Variants in JAG1 observed in about 807,000 individuals in gnomAD.
The protein encoded by JAG1 is protein jagged-1.
A neutral mutation model predicts 148.7 loss-of-function variants in JAG1; 23 were observed. The observed-to-expected ratio is 0.15, with a 90% CI of 0.11 to 0.22. The LOEUF (loss-of-function observed/expected upper bound fraction) is 0.22. JAG1 is among the 10% of genes least tolerant of loss of function. The probability of loss-of-function intolerance (pLI) is 1.00; values close to 1 mark genes in which losing one functional copy is unlikely to be tolerated. For synonymous variants in JAG1, 572 were observed against 598.3 expected (o/e 0.96, Z 0.64); for missense variants, 1,054 against 1,611.2 (o/e 0.65, Z 5.92).
Position 10,639,569 on chromosome 20 carries a change from A to G in JAG1, c.3586T>C (p.Trp1196Arg). ...TCTCTGTTGTCCTGTTTGTTTGTCCAGTTTGGGTGTTTTGTCGGCGTGCCG... is the reference window on the plus strand; with the variant it reads ...TCTCTGTTGTCCTGTTTGTTTGTCCGGTTTGGGTGTTTTGTCGGCGTGCCG... Reference protein sequence around the residue: ...PNGTPTKHPNWTNKQDNRDLE... With the variant: ...PNGTPTKHPNRTNKQDNRDLE... The change falls in exon 26 of 26, where the codon TGG (tryptophan) becomes CGG (arginine). Residue 1196 changes from tryptophan to arginine, a missense_variant. This residue lies in a region of JAG1 where 177 missense variants were observed against 177.3 expected (regional missense o/e 1.00). Coordinates refer to ENST00000254958, the MANE Select transcript of JAG1 (RefSeq NM_000214.3). The G allele has an allele frequency of 6.2e-7, 1 of 1,614,130 alleles. No individual in the cohort carries two copies. The highest frequency in any genetic ancestry group is 2.2e-5 in the East Asian group (1 of 44,884).
chr20:10,659,308 T>A (rs1232901931), intron 3 of JAG1, among the ~76,000 whole-genome samples: 1 of 152,246 alleles, frequency 6.6e-6, no homozygotes, highest in Admixed American at 6.5e-5. Flanking sequence ...AAACCATTTA[T>A]ATTTGTTCCT....
At position 10,658,458 on chromosome 20, in the gene JAG1, A is replaced by G; in HGVS notation, c.694+10T>C. 6.2e-7 allele frequency: 1 copy of G among 1,613,690 alleles called. No individual in the cohort carries two copies. The highest frequency in any genetic ancestry group is 8.5e-7 in the Non-Finnish European group (1 of 1,180,038). On this transcript the variant is annotated intron_variant, in intron 4 of 25. Transcript: ENST00000254958. ...CAGGCACACGTGCACATGCACACAC[A>G]CACACATACCTCTGTTACATTCGGG...
chr20:10,663,033 C>CA lies in JAG1; in HGVS notation c.439+929dup, dbSNP rs3833513. Reference sequence around the variant, plus strand: ...GTGTGCATTCACCATTTTCTGTCAGCAAAAAAAAGCAAGGCAAGGAAAGAT... The same window carrying CA: ...GTGTGCATTCACCATTTTCTGTCAGCAAAAAAAAAGCAAGGCAAGGAAAGAT... On this transcript the variant is annotated intron_variant, in intron 3 of 25. Coordinates refer to ENST00000254958, the MANE Select transcript of JAG1 (RefSeq NM_000214.3). 2.1e-3 allele frequency among the ~76,000 whole-genome samples: 323 copies of CA among 151,246 alleles called. 2 individuals are homozygous for CA. The highest frequency in any genetic ancestry group is 3.3e-3 in the Non-Finnish European group (224 of 67,756).
intron 4 of JAG1, among the ~76,000 whole-genome samples, chr20:10,658,127 A>G (rs1600188784): frequency 6.6e-6 from 1 of 152,332 alleles, no homozygotes; most frequent in South Asian, 2.1e-4. Flanking sequence ...TTTAAGGCAA[A>G]GGAAGCTGGG....
At position 10,639,897 on chromosome 20, in the gene JAG1, C is replaced by T; in HGVS notation, c.3258G>A (p.Val1086=). Reference sequence around the variant, plus strand: ...TCCGCAGGCACCAGTAGAAGGCCGTCACCAAGCAACAGATCCAAGCCACAG... The same window carrying T: ...TCCGCAGGCACCAGTAGAAGGCCGTTACCAAGCAACAGATCCAAGCCACAG... ...VLTVAWICCL[V]TAFYWCLRKR... is the part of the protein sequence containing the mutation. The change falls in exon 26 of 26, where the codon GTG becomes GTA. Residue 1086 remains valine (V), a synonymous_variant. Transcript: ENST00000254958. 6.2e-7 allele frequency: 1 copy of T among 1,614,220 alleles called. No homozygotes were observed. Among genetic ancestry groups the T allele is most frequent in the Middle Eastern group, 1.6e-4 (1 of 6,062 alleles).
At chr20:10,647,514 A>T (rs2067317508) in intron 13 of JAG1, among the ~76,000 whole-genome samples, 1 of 152,260 alleles carries the variant, frequency 6.6e-6, no homozygotes, top group African/African-American at 2.4e-5. Context: ...CACCGGCCAC[A>T]TGTGGCTATT....
At chr20:10,651,417 G>C (rs1183827584) in intron 8 of JAG1, 164 bp downstream of exon 8, 2 of 604,532 alleles carry the variant, frequency 3.3e-6, no homozygotes, top group African/African-American at 3.7e-5. Context: ...GGTGCTGGGA[G>C]ACTTCCAAAC....
At chr20:10,651,535 G>T in intron 8 of JAG1, 46 bp downstream of exon 8, 1 of 1,319,676 alleles carries the variant, frequency 7.6e-7, no homozygotes, top group Non-Finnish European at 1.1e-6. Flanking sequence ...GTGGTATCTT[G>T]GCACAAGGAT....
At chr20:10,669,677 T>C (rs1384033947) in intron 2 of JAG1, among the ~76,000 whole-genome samples, 1 of 151,100 alleles carries the variant, frequency 6.6e-6, no homozygotes, top group Admixed American at 6.6e-5. Context: ...CCCTAACGTT[T>C]CTCTAGATTC....
chr20:10,656,515 G>C, intron 4 of JAG1, 57 bp from the exon 5 acceptor site: 2 of 1,458,474 alleles, frequency 1.4e-6, no homozygotes, highest in South Asian at 2.3e-5. Flanking sequence ...CATCGCCCCG[G>C]TCATGAGAAT....
intron 2 of JAG1, among the ~76,000 whole-genome samples, chr20:10,666,062 G>A (rs1213230640): frequency 1.3e-5 from 2 of 152,056 alleles, no homozygotes; most frequent in Non-Finnish European, 1.5e-5. Flanking sequence ...ACAGGGTGAG[G>A]GCAGGGAGCT....
intron 19 of JAG1, 71 bp from the exon 20 acceptor site, chr20:10,643,934 T>C (rs2122600740): frequency 3.5e-6 from 4 of 1,136,812 alleles, no homozygotes; most frequent in Non-Finnish European, 4.0e-6. Context: ...CACTCACATG[T>C]CACCACACCA....
Position 10,638,878 on chromosome 20 carries a change from A to C in JAG1, c.*620T>G, listed in dbSNP as rs916400373. 9.1e-5 allele frequency: 14 copies of C among 153,862 alleles called. No individual in the cohort carries two copies. Among genetic ancestry groups the C allele is most frequent in the African/African-American group, 3.1e-4 (13 of 41,454 alleles). The allele number at this position is 153,862 out of a possible 1,614,324, so 9.5% of individuals were successfully genotyped here. On this transcript the variant is annotated 3_prime_UTR_variant, in exon 26 of 26. Coordinates refer to ENST00000254958, the MANE Select transcript of JAG1 (RefSeq NM_000214.3). ...TTAAGTTAATAAATCAAATATACAC[A>C]GTGATTAATAAAAAAGAATTATTTA...
At chr20:10,640,070 G>A in intron 25 of JAG1, 115 bp from the exon 26 acceptor site, 2 of 822,458 alleles carry the variant, frequency 2.4e-6, no homozygotes, top group Non-Finnish European at 2.0e-6. Context: ...TAAGAGGGGG[G>A]CCACAGGGAC....
intron 5 of JAG1, among the ~76,000 whole-genome samples, chr20:10,652,913 C>T (rs558045548): frequency 1.3e-4 from 20 of 152,078 alleles, no homozygotes; most frequent in South Asian, 1.0e-3. Flanking sequence ...TAAATCAACC[C>T]GTGCACCTAG....
In JAG1 at chr20:10,648,432, T is replaced by A. The variant is rs568406059; in HGVS notation, c.1569+117A>T. ...AGCAGAGACTCTCTCATCAATAGGA[T>A]GTTAATAGATGTTAGGAAATTCCAG... is the stretch of plus-strand genomic sequence containing the variant. On this transcript the variant is annotated intron_variant, in intron 12 of 25. Coordinates refer to ENST00000254958, the MANE Select transcript of JAG1 (RefSeq NM_000214.3). The A allele has an allele frequency of 1.7e-5, 15 of 862,882 alleles. No individual in the cohort carries two copies. The Admixed American group carries it at 2.3e-4, about 13-fold the overall frequency. 53.5% of individuals were successfully genotyped at this position (862,882 alleles called of 1,614,324 possible).
intron 5 of JAG1, among the ~76,000 whole-genome samples, chr20:10,654,083 G>C (rs1477303514): frequency 6.6e-6 from 1 of 152,210 alleles, no homozygotes; most frequent in Admixed American, 6.5e-5. Context: ...TGTCAAGGCT[G>C]ATATTCTTAG....
chr20:10,669,644 A>G (rs548251891), intron 2 of JAG1, among the ~76,000 whole-genome samples: 2 of 150,384 alleles, frequency 1.3e-5, no homozygotes, highest in South Asian at 4.2e-4. Flanking sequence ...TGAGGCTAAT[A>G]AGCCAGATAC....
rs750032058 is a variant in JAG1 at position 10,639,848 on chromosome 20, T to C, written c.3307A>G (p.Thr1103Ala). The C allele has an allele frequency of 4.3e-6, 7 of 1,614,062 alleles. No homozygotes were observed. Among genetic ancestry groups the C allele is most frequent in the East Asian group, 2.2e-5 (1 of 44,886 alleles). ...LRKRRKPGSH[T>A]HSASEDNTTN... ...GTGTTGTCCTCAGAGGCTGAGTGTG[T>C]GTGGCTGCCCGGCTTCCGCCGCTTC... Residue 1103 changes from threonine to alanine, a missense_variant, in exon 26 of 26, where the codon ACA (threonine) becomes GCA (alanine). Thr to Ala is a moderately conservative substitution (Grantham distance 58). This residue lies in a region of JAG1 where 177 missense variants were observed against 177.3 expected (regional missense o/e 1.00). Transcript: ENST00000254958.
Sources: allele counts gnomAD v4.1 joint callset (sites outside exome capture counted in the v4.1 genomes callset), GRCh38; gene constraint gnomAD v4.1.1; regional missense constraint gnomAD v4.1.1; transcripts MANE v1.5; gene names NCBI Gene and HGNC (gene_info 2026-07-23, HGNC 2026-07-21).